Variants in LOC400499 observed in about 807,000 individuals in gnomAD.
chr16:11,491,337 G>A, the LOC400499 span, among the ~76,000 whole-genome samples: 3 of 152,042 alleles, frequency 2.0e-5, no homozygotes, highest in Admixed American at 6.6e-5. Context: ...ATTTGCCGAC[G>A]CCATCCCTCT....
the LOC400499 span, among the ~76,000 whole-genome samples, chr16:11,455,193 G>A: frequency 6.6e-6 from 1 of 152,138 alleles, no homozygotes; most frequent in Non-Finnish European, 1.5e-5. Context: ...GACATTTATA[G>A]TTATAATTGG....
At chr16:11,505,524 G>A in the LOC400499 span, among the ~76,000 whole-genome samples, 1 of 123,942 alleles carries the variant, frequency 8.1e-6, no homozygotes, top group Non-Finnish European at 1.6e-5. Flanking sequence ...TTTGATCACA[G>A]CTCACTGTAG....
the LOC400499 span, chr16:11,457,067 C>T: frequency 2.7e-6 from 4 of 1,493,472 alleles, no homozygotes; most frequent in Admixed American, 4.3e-5. Context: ...CCCCAAGATG[C>T]CAATGGGATC....
the LOC400499 span, chr16:11,431,217 A>G: frequency 2.0e-5 from 8 of 398,950 alleles, no homozygotes; most frequent in Non-Finnish European, 3.1e-5. Context: ...GTGCCTTGGA[A>G]AACAGCCAAA....
chr16:11,419,123 AC>A, the LOC400499 span, among the ~76,000 whole-genome samples: 2 of 152,158 alleles, frequency 1.3e-5, no homozygotes, highest in East Asian at 3.8e-4. Flanking sequence ...CCGAGATCAC[AC>A]TACTGTACTC....
At chr16:11,488,715 G>A in the LOC400499 span, 53 of 398,922 alleles carry the variant, frequency 1.3e-4, no homozygotes, top group East Asian at 1.6e-3. Context: ...ATACCTGATC[G>A]GAAGGTGACA....
chr16:11,400,873 A>T, the LOC400499 span, among the ~76,000 whole-genome samples: 1 of 152,134 alleles, frequency 6.6e-6, no homozygotes, highest in Non-Finnish European at 1.5e-5. Context: ...TAGATGGGAA[A>T]ACCTGAGTCT....
At chr16:11,396,737 T>A in the LOC400499 span, 1 of 1,198,806 alleles carries the variant, frequency 8.3e-7, no homozygotes, top group African/African-American at 1.6e-5. Context: ...CTCTCCCCAG[T>A]CCCCTGCACC....
the LOC400499 span, among the ~76,000 whole-genome samples, chr16:11,395,544 C>T: frequency 6.6e-6 from 1 of 152,190 alleles, no homozygotes; most frequent in African/African-American, 2.4e-5. Flanking sequence ...TTTGAAATGG[C>T]CACGGCTGCT....
the LOC400499 span, among the ~76,000 whole-genome samples, chr16:11,509,915 G>T: frequency 6.8e-6 from 1 of 146,434 alleles, no homozygotes; most frequent in Admixed American, 6.6e-5. Flanking sequence ...GAATTTGTCT[G>T]GAAGAGTATA....
chr16:11,503,421 C>G, the LOC400499 span, among the ~76,000 whole-genome samples: 1 of 152,172 alleles, frequency 6.6e-6, no homozygotes, highest in Non-Finnish European at 1.5e-5. Flanking sequence ...CTGCATTGGC[C>G]TGAACCCAAA....
At chr16:11,455,734 CAAAAAAGAAAAAAAAA>C in the LOC400499 span, among the ~76,000 whole-genome samples, 562 of 29,248 alleles carry the variant, frequency 0.019, 7 homozygotes, top group Middle Eastern at 0.042. Context: ...GACTCCGTCT[CAAAAAAGAAAAAAAAA>C]AAAAAAGAAA....
the LOC400499 span, among the ~76,000 whole-genome samples, chr16:11,479,530 G>A: frequency 1.3e-5 from 2 of 151,810 alleles, no homozygotes; most frequent in African/African-American, 4.8e-5. Flanking sequence ...AGCTGAGGTG[G>A]GAGGATCGCT....
At chr16:11,485,488 G>C in the LOC400499 span, among the ~76,000 whole-genome samples, 30 of 152,038 alleles carry the variant, frequency 2.0e-4, no homozygotes, top group Middle Eastern at 0.01. Flanking sequence ...TCCCCTGGAT[G>C]GGGGGGAGGG....
At chr16:11,396,343 A>T in the LOC400499 span, 3 of 632,950 alleles carry the variant, frequency 4.7e-6, no homozygotes, top group Non-Finnish European at 6.8e-6. Flanking sequence ...CGTTCCCCCG[A>T]CCCAGAATGA....
At chr16:11,461,193 G>A in the LOC400499 span, 2 of 1,466,806 alleles carry the variant, frequency 1.4e-6, no homozygotes, top group Admixed American at 2.3e-5. Context: ...AGGCAAAGAA[G>A]GGACTCAGGT....
At chr16:11,442,844 G>A in the LOC400499 span, among the ~76,000 whole-genome samples, 1 of 152,166 alleles carries the variant, frequency 6.6e-6, no homozygotes, top group Non-Finnish European at 1.5e-5. Flanking sequence ...CACTTCTGCA[G>A]GTGTCTAAGG....
the LOC400499 span, among the ~76,000 whole-genome samples, chr16:11,445,432 A>T: frequency 2.0e-5 from 3 of 152,042 alleles, no homozygotes; most frequent in African/African-American, 7.2e-5. Flanking sequence ...AAAAAAAAAA[A>T]AGAAAGAAAA....
the LOC400499 span, among the ~76,000 whole-genome samples, chr16:11,464,258 T>A: frequency 6.6e-6 from 1 of 152,202 alleles, no homozygotes; most frequent in Admixed American, 6.5e-5. Flanking sequence ...AAACAGATGC[T>A]CGCTCTCCAC....
Sources: gnomAD v4.1 joint callset for allele counts (sites outside exome capture counted in the v4.1 genomes callset) on GRCh38, gnomAD v4.1.1 for gene constraint, MANE v1.5 for transcripts.